The following ZNF445 variants were observed in gnomAD, a reference collection of about 807,000 sequenced individuals.
ZNF445 encodes the protein zinc finger protein 445.
Under a neutral mutation model 93.9 loss-of-function variants are expected in ZNF445, and 19 were observed. The observed-to-expected ratio is 0.20, with a 90% CI of 0.14 to 0.30. ZNF445 has a LOEUF of 0.30. Among genes scored for constraint, ZNF445 ranks in the 10% least tolerant of loss-of-function variants. The pLI, the probability that ZNF445 is intolerant of heterozygous loss-of-function variation, is 1.00. For missense variants in ZNF445, 1,058 were observed against 1,259.4 expected (o/e 0.84, Z 2.42); for synonymous variants, 449 against 446.3 (o/e 1.01, Z -0.08).
chr3:44,446,962 T>C lies in ZNF445; in HGVS notation c.2709A>G (p.Lys903=). The change falls in exon 8 of 8, where the codon AAA becomes AAG. Residue 903 remains lysine, a synonymous_variant. Transcript: ENST00000396077. The surrounding 1 kb of genome is among the most constrained non-coding windows in gnomAD (Gnocchi z 4.2). ...ERPFKCQWCG[K]EFIGRHTLSS... is the part of the protein sequence containing the mutation. ...AAAGGGTATGTCTCCCAATGAACTC[T>C]TTCCCACACCACTGACATTTGAAAG... 6.2e-7 allele frequency: 1 copy of C among 1,614,254 alleles called. No homozygotes were observed. The highest frequency in any genetic ancestry group is 8.5e-7 in the Non-Finnish European group (1 of 1,180,048).
chr3:44,452,916 C>CTTT (rs60163197), intron 3 of ZNF445, among the ~76,000 whole-genome samples: 5 of 134,314 alleles, frequency 3.7e-5, no homozygotes, highest in Admixed American at 7.6e-5. Flanking sequence ...TTTCAGAAAT[C>CTTT]TTTTTTTTTT....
chr3:44,454,980 T>C, intron 3 of ZNF445, 141 bp downstream of exon 3: 4 of 1,043,168 alleles, frequency 3.8e-6, no homozygotes, highest in Non-Finnish European at 5.6e-6. Context: ...CGTTCTCAGC[T>C]GCTCAGGTAC....
At position 44,444,475 on chromosome 3, in the gene ZNF445, C is replaced by G. The variant is rs962833913; in HGVS notation, c.*2100G>C. On this transcript the variant is annotated 3_prime_UTR_variant, in exon 8 of 8. Transcript: ENST00000396077. ...AGATCAATCCTGCCAAGAAAAGGCACACCATGCCTGGAACCCAGATCTGAT... is the reference window on the plus strand; with the variant it reads ...AGATCAATCCTGCCAAGAAAAGGCAGACCATGCCTGGAACCCAGATCTGAT... 6.6e-5 allele frequency: 10 copies of G among 152,280 alleles called. No homozygotes were observed. The highest frequency in any genetic ancestry group is 1.9e-4 in the African/African-American group (8 of 41,444). The allele number at this position is 152,280 out of a possible 1,614,324, so 9.4% of individuals were successfully genotyped here.
At chr3:44,452,383 C>A (rs1697969144) in intron 3 of ZNF445, among the ~76,000 whole-genome samples, 1 of 151,790 alleles carries the variant, frequency 6.6e-6, no homozygotes, top group South Asian at 2.1e-4. Flanking sequence ...AATATGGAAG[C>A]ACAGCAAAAC....
intron 1 of ZNF445, among the ~76,000 whole-genome samples, chr3:44,460,561 A>T (rs1698098497): frequency 6.6e-6 from 1 of 152,148 alleles, no homozygotes; most frequent in Non-Finnish European, 1.5e-5. Context: ...GGCTCATCTG[A>T]GCTTGTGGCC....
chr3:44,432,512 G>A lies in ZNF445; in HGVS notation c.*14063C>T, dbSNP rs745826986. 4 of 147,430 alleles carry A rather than the reference G, an allele frequency of 2.7e-5. No individual in the cohort carries two copies. The highest frequency in any genetic ancestry group is 1.0e-4 in the African/African-American group (4 of 39,592). The allele number at this position is 147,430 out of a possible 1,614,324, so 9.1% of individuals were successfully genotyped here. A position where few individuals can be genotyped will look rare whatever the true frequency, so the allele number is the denominator to read the frequency against. Reference sequence around the variant, plus strand: ...TGCATGAACTCTGAAGGCAGTCTGCGGAAGAATTCTCTCTTGCCTGAGAGA... The same window carrying A: ...TGCATGAACTCTGAAGGCAGTCTGCAGAAGAATTCTCTCTTGCCTGAGAGA... On this transcript the variant is annotated 3_prime_UTR_variant, in exon 8 of 8. Coordinates refer to ENST00000396077, the MANE Select transcript of ZNF445 (RefSeq NM_181489.6).
In ZNF445 at chr3:44,431,893, T is replaced by C. The variant is rs562830470; in HGVS notation, c.*14682A>G. 9 of 152,226 alleles carry C rather than the reference T, an allele frequency of 5.9e-5. No homozygotes were observed. The East Asian group carries it at 1.7e-3, about 29-fold the overall frequency. 9.4% of individuals were successfully genotyped at this position (152,226 alleles called of 1,614,324 possible). A position where few individuals can be genotyped will look rare whatever the true frequency, so the allele number is the denominator to read the frequency against. On this transcript the variant is annotated 3_prime_UTR_variant, in exon 8 of 8. Transcript: ENST00000396077. Reference sequence around the variant, plus strand: ...CAATATGTAAATGAATGAATATATCTGAAGATTATATGAAATTTATTTTTT... The same window carrying C: ...CAATATGTAAATGAATGAATATATCCGAAGATTATATGAAATTTATTTTTT...
In ZNF445 at chr3:44,450,913, C is replaced by T. The variant is rs769560965; in HGVS notation, c.648G>A (p.Pro216=). 21 of 1,598,756 alleles carry T rather than the reference C, an allele frequency of 1.3e-5. No homozygotes were observed. The highest frequency in any genetic ancestry group is 2.3e-5 in the East Asian group (1 of 44,164). ...ACCTGGTTGGTGTTACCTGGTCTCC[C>T]GGGCACCCCTCTCTCGGGAAAAGGG... ...MPALFPREGC[P]GDQVTPTRSL... Residue 216 remains proline (P), a synonymous_variant, in exon 5 of 8, where the codon CCG becomes CCA. Coordinates refer to ENST00000396077, the MANE Select transcript of ZNF445 (RefSeq NM_181489.6).
rs1697856639 is a variant in ZNF445 at position 44,444,693 on chromosome 3, T to G, written c.*1882A>C. On this transcript the variant is annotated 3_prime_UTR_variant, in exon 8 of 8. Transcript: ENST00000396077. The stretch of plus-strand genomic sequence containing the variant: ...AGGCATCAGAACACCAACAGGAGAC[T>G]TCTGCCCCGCCCCCACCATCCTGTG... 1 of 152,412 alleles carries G rather than the reference T, an allele frequency of 6.6e-6. No individual in the cohort carries two copies. Among genetic ancestry groups the G allele is most frequent in the Non-Finnish European group, 1.5e-5 (1 of 68,222 alleles). 9.4% of individuals were successfully genotyped at this position (152,412 alleles called of 1,614,324 possible).
At chr3:44,465,930 A>G (rs1698187698) in intron 1 of ZNF445, among the ~76,000 whole-genome samples, 1 of 152,176 alleles carries the variant, frequency 6.6e-6, no homozygotes, top group African/African-American at 2.4e-5. Context: ...AAACCAAAAA[A>G]CAAAACAAAC....
intron 3 of ZNF445, among the ~76,000 whole-genome samples, chr3:44,452,796 G>A (rs1363274787): frequency 6.6e-6 from 1 of 151,714 alleles, no homozygotes; most frequent in African/African-American, 2.4e-5. Context: ...TTTTCTATTA[G>A]TTATACCCTG....
At position 44,447,659 on chromosome 3, in the gene ZNF445, G is replaced by T; in HGVS notation, c.2012C>A (p.Pro671His). The T allele has an allele frequency of 6.2e-7, 1 of 1,613,990 alleles. No individual in the cohort carries two copies. The highest frequency in any genetic ancestry group is 8.5e-7 in the Non-Finnish European group (1 of 1,180,000). Residue 671 changes from proline (P) to histidine (H), a missense_variant, in exon 8 of 8, where the codon CCC becomes CAC. Pro to His is a moderately conservative substitution (Grantham distance 77, BLOSUM62 -2). Transcript: ENST00000396077. This position sits in a 1 kb window ranked among gnomAD's most constrained non-coding sequence, Gnocchi z 4.7. ...GFRQSPDCSQ[P>H]QGAPAVEKTF... ...TTTCTCCACAGCGGGAGCACCCTGG[G>T]GCTGACTGCAGTCAGGAGATTGCCT... is the stretch of plus-strand genomic sequence containing the variant.
At position 44,438,566 on chromosome 3, in the gene ZNF445, G is replaced by GATTACAGGTGTGAGCCACCA. The variant is rs1346297103; in HGVS notation, c.*8008_*8009insTGGTGGCTCACACCTGTAAT. 6.6e-6 allele frequency: 1 copy of GATTACAGGTGTGAGCCACCA among 152,108 alleles called. No individual in the cohort carries two copies. Among genetic ancestry groups the GATTACAGGTGTGAGCCACCA allele is most frequent in the Non-Finnish European group, 1.5e-5 (1 of 68,048 alleles). The allele number at this position is 152,108 out of a possible 1,614,324, so 9.4% of individuals were successfully genotyped here. ...CCGCCTCAGCCTCCCAAAGTGCTGG[G>GATTACAGGTGTGAGCCACCA]ATTACAGGTGTGAGCCACCGTGCCT... On this transcript the variant is annotated 3_prime_UTR_variant, in exon 8 of 8. Transcript: ENST00000396077.
chr3:44,454,936 G>A (rs1038496148), intron 3 of ZNF445, 185 bp downstream of exon 3: 16 of 659,808 alleles, frequency 2.4e-5, no homozygotes, highest in Non-Finnish European at 2.1e-5. Context: ...AGGTAGGAAA[G>A]GATACCTGCT....
In ZNF445 at chr3:44,435,160, C is replaced by T. The variant is rs1697650795; in HGVS notation, c.*11415G>A. On this transcript the variant is annotated 3_prime_UTR_variant, in exon 8 of 8. Transcript: ENST00000396077. Reference sequence around the variant, plus strand: ...TTATGACTGCATTTTTCCCCACTGCCAATCACCTTTCCCCATGCCTCAGAC... The same window carrying T: ...TTATGACTGCATTTTTCCCCACTGCTAATCACCTTTCCCCATGCCTCAGAC... 6.6e-6 allele frequency: 1 copy of T among 152,170 alleles called. No homozygotes were observed. The highest frequency in any genetic ancestry group is 6.6e-5 in the Admixed American group (1 of 15,264). The allele number at this position is 152,170 out of a possible 1,614,324, so 9.4% of individuals were successfully genotyped here. A position where few individuals can be genotyped will look rare whatever the true frequency, so the allele number is the denominator to read the frequency against.
At position 44,458,255 on chromosome 3, in the gene ZNF445, G is replaced by A. The variant is rs574486729; in HGVS notation, c.-159C>T. ...ATGGTGGCACGCACCTGTAGTCCCA[G>A]CTACTCGGGAGGCTGAGGCAGAAGA... On this transcript the variant is annotated 5_prime_UTR_variant, in exon 2 of 8. Transcript: ENST00000396077. The A allele has an allele frequency of 6.6e-6, 1 of 152,344 alleles. No individual in the cohort carries two copies. The highest frequency in any genetic ancestry group is 6.5e-5 in the Admixed American group (1 of 15,274). The allele number at this position is 152,344 out of a possible 1,614,324, so 9.4% of individuals were successfully genotyped here.
chr3:44,449,463 G>C (rs1697928204), intron 7 of ZNF445, 50 bp downstream of exon 7: 1 of 1,427,998 alleles, frequency 7.0e-7, no homozygotes, highest in Admixed American at 1.7e-5. Flanking sequence ...TTAAGAAAGA[G>C]AAAAGTAAAA....
intron 1 of ZNF445, among the ~76,000 whole-genome samples, chr3:44,463,902 C>T (rs1469606577): frequency 6.6e-6 from 1 of 151,926 alleles, no homozygotes; most frequent in Non-Finnish European, 1.5e-5. Context: ...CTGAGGTGGG[C>T]GATCACTTGA....
chr3:44,459,557 G>A (rs1196724916), intron 1 of ZNF445, among the ~76,000 whole-genome samples: 3 of 152,184 alleles, frequency 2.0e-5, no homozygotes, highest in Non-Finnish European at 4.4e-5. Context: ...GAATAGCCAA[G>A]ATAACTTTTT....
Sources: gnomAD v4.1 joint callset for allele counts (sites outside exome capture counted in the v4.1 genomes callset) on GRCh38, gnomAD v4.1.1 for gene constraint, Gnocchi (gnomAD v3.1) non-coding constraint, MANE v1.5 for transcripts, NCBI Gene and HGNC (gene_info 2026-07-23, HGNC 2026-07-21) for gene names.